The following LRRFIP1 variants were observed in gnomAD, a reference collection of about 807,000 sequenced individuals.
LRRFIP1 encodes LRR binding FLII interacting protein 1, also known as leucine-rich repeat flightless-interacting protein 1.
Under a neutral mutation model 104.4 loss-of-function variants are expected in LRRFIP1, and 62 were observed. The ratio of observed to expected loss-of-function variants is 0.59; its 90% CI spans 0.48 to 0.73. The LOEUF (loss-of-function observed/expected upper bound fraction) is 0.73. Among genes scored for constraint, LRRFIP1 ranks in the 30% least tolerant of loss-of-function variants. LRRFIP1 has a pLI of 0.00. For missense variants in LRRFIP1, 796 were observed against 824.5 expected (o/e 0.97, Z 0.42); for synonymous variants, 300 against 299.0 (o/e 1.00, Z -0.03).
At chr2:237,724,844 T>C (rs2094680420) in intron 7 of LRRFIP1, among the ~76,000 whole-genome samples, 1 of 152,222 alleles carries the variant, frequency 6.6e-6, no homozygotes, top group South Asian at 2.1e-4. Context: ...TAAAATTCAA[T>C]AGAATGCATC....
Position 237,771,569 on chromosome 2 carries a change from CA to C in LRRFIP1, c.1510-511del, listed in dbSNP as rs2060649608. Among the ~76,000 whole-genome samples the C allele has an allele frequency of 5.6e-4, 71 of 126,234 alleles. 1 individual carries two copies. Among genetic ancestry groups the C allele is most frequent in the South Asian group, 4.4e-3 (14 of 3,212 alleles). 82.8% of individuals were successfully genotyped at this position (126,234 alleles called of 152,430 possible). A position where few individuals can be genotyped will look rare whatever the true frequency, so the allele number is the denominator to read the frequency against. On this transcript the variant is annotated intron_variant, in intron 20 of 23. Coordinates refer to ENST00000308482, the MANE Select transcript of LRRFIP1 (RefSeq NM_001137550.2). ...GAACCAATCCCCCCCCCCCCCCGCCCAGATACCAAGGGACAACTGGACATGT... is the reference window on the plus strand; with the variant it reads ...GAACCAATCCCCCCCCCCCCCCGCCCGATACCAAGGGACAACTGGACATGT...
In LRRFIP1 at chr2:237,735,474, C is replaced by G. The variant is rs531321101; in HGVS notation, c.555+141C>G. ...GAGTCACCGGGCTAACCGCCACCTT[C>G]CATTGTAATGAAGGTCACAAATAAT... is the stretch of plus-strand genomic sequence containing the variant. On this transcript the variant is annotated intron_variant, in intron 10 of 23. Coordinates refer to ENST00000308482, the MANE Select transcript of LRRFIP1 (RefSeq NM_001137550.2). This position sits in a 1 kb window ranked among gnomAD's most constrained non-coding sequence, Gnocchi z 4.6. 12 of 686,354 alleles carry G rather than the reference C, an allele frequency of 1.7e-5. No homozygotes were observed. Among genetic ancestry groups the G allele is most frequent in the Middle Eastern group, 7.8e-4 (2 of 2,548 alleles). The allele number at this position is 686,354 out of a possible 1,614,324, so 42.5% of individuals were successfully genotyped here.
Position 237,717,348 on chromosome 2 carries a change from C to T in LRRFIP1, c.202-414C>T, listed in dbSNP as rs375462770. Among the ~76,000 whole-genome samples, 5 of 152,340 alleles carry T rather than the reference C, an allele frequency of 3.3e-5. No homozygotes were observed. The highest frequency in any genetic ancestry group is 9.6e-5 in the African/African-American group (4 of 41,570). ...CTCAGTTTCCCTGAGGTCCCAACAC[C>T]GGAATGGCTCTGAGCTTCTGCTTCT... On this transcript the variant is annotated intron_variant, in intron 3 of 23. Transcript: ENST00000308482. This position sits in a 1 kb window ranked among gnomAD's most constrained non-coding sequence, Gnocchi z 4.2.
At position 237,715,780 on chromosome 2, in the gene LRRFIP1, C is replaced by T. The variant is rs550513596; in HGVS notation, c.201+1504C>T. The stretch of plus-strand genomic sequence containing the variant: ...CTCCTGCTTCCCTCCGCATGGCTTC[C>T]GGATCATGGTAGTGATTGACGTTTG... On this transcript the variant is annotated intron_variant, in intron 3 of 23. Transcript: ENST00000308482. Among the ~76,000 whole-genome samples the T allele has an allele frequency of 3.3e-5, 5 of 152,336 alleles. No homozygotes were observed. In the South Asian group the frequency reaches 8.3e-4, roughly 25 times the overall value.
intron 11 of LRRFIP1, among the ~76,000 whole-genome samples, chr2:237,741,738 G>C (rs1421115566): frequency 6.6e-6 from 1 of 151,822 alleles, no homozygotes; most frequent in Non-Finnish European, 1.5e-5. Context: ...TGAGGCTGAA[G>C]AATCACTTGA....
chr2:237,663,280 T>C (rs1481519063), intron 1 of LRRFIP1, among the ~76,000 whole-genome samples: 1 of 152,252 alleles, frequency 6.6e-6, no homozygotes, highest in Non-Finnish European at 1.5e-5. Context: ...GGTGCTGTAG[T>C]CTGAACGTTT....
chr2:237,760,669 C>T (rs1195237385), intron 19 of LRRFIP1, among the ~76,000 whole-genome samples: 1 of 152,180 alleles, frequency 6.6e-6, no homozygotes, highest in Non-Finnish European at 1.5e-5. Context: ...TCCTGGGCAG[C>T]ATTCAGCGCT....
In LRRFIP1 at chr2:237,717,450, C is replaced by T. The variant is rs1262955623; in HGVS notation, c.202-312C>T. Among the ~76,000 whole-genome samples, 1 of 152,220 alleles carries T rather than the reference C, an allele frequency of 6.6e-6. No homozygotes were observed. The highest frequency in any genetic ancestry group is 1.5e-5 in the Non-Finnish European group (1 of 68,040). ...CCTGTTGGAGGGGGCGTGAAGGCTG[C>T]TGGGCCGGCTTTACTGTCCTGCTCT... On this transcript the variant is annotated intron_variant, in intron 3 of 23. Coordinates refer to ENST00000308482, the MANE Select transcript of LRRFIP1 (RefSeq NM_001137550.2). This position sits in a 1 kb window ranked among gnomAD's most constrained non-coding sequence, Gnocchi z 4.2.
chr2:237,641,496 CAAAA>C (rs10645424), intron 1 of LRRFIP1, among the ~76,000 whole-genome samples: 3 of 121,982 alleles, frequency 2.5e-5, no homozygotes, highest in African/African-American at 3.0e-5. Flanking sequence ...GACTCTGTCT[CAAAA>C]AAAAAAAAAA....
chr2:237,772,244 G>C lies in LRRFIP1; in HGVS notation c.1627+46G>C, dbSNP rs544468918. On this transcript the variant is annotated intron_variant, in intron 21 of 23. Transcript: ENST00000308482. ...AGAAGTAAATGCTTTCACATGTGCT[G>C]TTTTAGTATACTTGTGCTGGCAGAG... 31 of 1,429,780 alleles carry C rather than the reference G, an allele frequency of 2.2e-5. No homozygotes were observed. In the African/African-American group the frequency reaches 4.0e-4, roughly 19 times the overall value. 88.6% of individuals were successfully genotyped at this position (1,429,780 alleles called of 1,614,324 possible). A position where few individuals can be genotyped will look rare whatever the true frequency, so the allele number is the denominator to read the frequency against.
rs147186390 is a variant in LRRFIP1, at chr2:237,716,999, A to G, written c.202-763A>G. 5.9e-5 allele frequency among the ~76,000 whole-genome samples: 9 copies of G among 151,482 alleles called. No individual in the cohort carries two copies. In the East Asian group the frequency reaches 1.7e-3, roughly 29 times the overall value. ...CACAAATCGTAAACTCTTTTAAAAC[A>G]TTATGAAATTTTTTTTGCAATTTTT... is the stretch of plus-strand genomic sequence containing the variant. On this transcript the variant is annotated intron_variant, in intron 3 of 23. Transcript: ENST00000308482.
chr2:237,723,345 G>A (rs2094601779), intron 6 of LRRFIP1, among the ~76,000 whole-genome samples: 2 of 152,262 alleles, frequency 1.3e-5, no homozygotes, highest in East Asian at 3.9e-4. Context: ...GAAGTTTATT[G>A]AATGCTACTG....
chr2:237,723,516 G>GTT (rs139854949), intron 6 of LRRFIP1, 32 bp from the exon 7 acceptor site: 53 of 1,380,666 alleles, frequency 3.8e-5, no homozygotes, highest in South Asian at 6.4e-5. Flanking sequence ...CTTTGCTGTT[G>GTT]TTTTTTTTTT....
chr2:237,736,464 G>T (rs1050033540), intron 10 of LRRFIP1, among the ~76,000 whole-genome samples: 3 of 152,152 alleles, frequency 2.0e-5, no homozygotes, highest in Non-Finnish European at 4.4e-5. Context: ...TGTCAGAAAA[G>T]AGGGAGAATA....
intron 19 of LRRFIP1, chr2:237,764,493 C>T (rs1170003977): frequency 8.8e-7 from 1 of 1,131,282 alleles, no homozygotes; most frequent in African/African-American, 1.6e-5. Context: ...CCAAATATAT[C>T]AGCATCTAAT....
At chr2:237,704,642 C>A (rs576341551) in intron 1 of LRRFIP1, among the ~76,000 whole-genome samples, 2 of 152,212 alleles carry the variant, frequency 1.3e-5, no homozygotes, top group Admixed American at 6.5e-5. Flanking sequence ...GTTGCCACTT[C>A]CGGTATTGCC....
chr2:237,718,489 G>T (rs1575780904), intron 4 of LRRFIP1, among the ~76,000 whole-genome samples: 3 of 152,250 alleles, frequency 2.0e-5, no homozygotes, highest in Admixed American at 1.3e-4. Flanking sequence ...GGAAGCAGCG[G>T]CACCCACATA....
At chr2:237,759,116 A>G (rs1440064556) in intron 18 of LRRFIP1, among the ~76,000 whole-genome samples, 1 of 152,216 alleles carries the variant, frequency 6.6e-6, no homozygotes, top group Non-Finnish European at 1.5e-5. Context: ...TCTCCAGGAT[A>G]TTACTCAGAC....
chr2:237,680,244 C>T (rs1426744658), intron 1 of LRRFIP1, among the ~76,000 whole-genome samples: 3 of 152,184 alleles, frequency 2.0e-5, no homozygotes, highest in South Asian at 2.1e-4. Context: ...GCAATCCCAG[C>T]ACTTGGGAAG....
Sources: gnomAD v4.1 joint callset for allele counts (sites outside exome capture counted in the v4.1 genomes callset) on GRCh38, gnomAD v4.1.1 for gene constraint, Gnocchi (gnomAD v3.1) non-coding constraint, MANE v1.5 for transcripts, NCBI Gene and HGNC (gene_info 2026-07-23, HGNC 2026-07-21) for gene names.